CEP72: variants seen among roughly 807,000 people sequenced by gnomAD.
CEP72 encodes the protein centrosomal protein of 72 kDa.
In CEP72, 78 loss-of-function variants were observed where a neutral mutation model predicts 65.7. The ratio of observed to expected loss-of-function variants is 1.19; its 90% CI spans 0.99 to 1.43. The LOEUF is 1.43. Among genes scored for constraint, CEP72 ranks in the 40% most tolerant of loss-of-function variants. The pLI, the probability that CEP72 is intolerant of heterozygous loss-of-function variation, is 0.00. For missense variants in CEP72, 914 were observed against 832.9 expected (o/e 1.10, Z -1.20); for synonymous variants, 358 against 351.7 (o/e 1.02, Z -0.20).
chr5:668,468 G>C (rs1740043663), downstream of CEP72, among the ~76,000 whole-genome samples: 1 of 152,024 alleles, frequency 6.6e-6, no homozygotes, highest in African/African-American at 2.4e-5. Flanking sequence ...ACGGAGAGGG[G>C]GCCGCGTGGG....
intron 4 of CEP72, among the ~76,000 whole-genome samples, chr5:627,025 C>T (rs183796769): frequency 2.0e-4 from 30 of 152,292 alleles, no homozygotes; most frequent in Admixed American, 3.9e-4. Context: ...TCATGCTGAC[C>T]GCATAGAATG....
rs570608494 is a variant in CEP72, at chr5:637,925, C to T, written c.1206+107C>T. 6 of 1,095,280 alleles carry T rather than the reference C, an allele frequency of 5.5e-6. No homozygotes were observed. In the East Asian group the frequency reaches 1.1e-4, roughly 20 times the overall value. The allele number at this position is 1,095,280 out of a possible 1,614,324, so 67.8% of individuals were successfully genotyped here. A position where few individuals can be genotyped will look rare whatever the true frequency, so the allele number is the denominator to read the frequency against. On this transcript the variant is annotated intron_variant, in intron 7 of 11. Transcript: ENST00000264935. ...TTACGCCTGCGGCACTGACTGTGTC[C>T]CTCCCTGATGCAGGGCTGTTACGGC... is the stretch of plus-strand genomic sequence containing the variant.
At position 624,699 on chromosome 5, in the gene CEP72, G is replaced by C. The variant is rs1443712658; in HGVS notation, c.512+120G>C. ...CTCCAGGGGCGGACACCAGGAGGGA[G>C]GAAGGGCAGAGCCTGCCTGGCGGGG... is the stretch of plus-strand genomic sequence containing the variant. On this transcript the variant is annotated intron_variant, in intron 4 of 11. Transcript: ENST00000264935. This position sits in a 1 kb window ranked among gnomAD's most constrained non-coding sequence, Gnocchi z 4.7. The C allele has an allele frequency of 4.0e-6, 3 of 747,964 alleles. No homozygotes were observed. The African/African-American group carries it at 5.2e-5, about 13-fold the overall frequency. The allele number at this position is 747,964 out of a possible 1,614,324, so 46.3% of individuals were successfully genotyped here.
chr5:621,829 A>G (rs1367412102), intron 3 of CEP72, among the ~76,000 whole-genome samples: 1 of 152,258 alleles, frequency 6.6e-6, no homozygotes, highest in Non-Finnish European at 1.5e-5. Flanking sequence ...GCTGGAGTGC[A>G]GTGGCGTGAT....
At chr5:648,592 A>C (rs1738609802) in intron 11 of CEP72, among the ~76,000 whole-genome samples, 5 of 102,558 alleles carry the variant, frequency 4.9e-5, no homozygotes, top group African/African-American at 7.9e-5. Flanking sequence ...GTGAGGTGTG[A>C]CTGTGAGGCG....
chr5:641,334 C>T, intron 9 of CEP72: 1 of 985,440 alleles, frequency 1.0e-6, no homozygotes, highest in African/African-American at 1.7e-5. Context: ...TCCGGGAGTC[C>T]TGGTGTGAGG....
At chr5:651,455 G>A (rs959023384) in intron 11 of CEP72, among the ~76,000 whole-genome samples, 4 of 151,982 alleles carry the variant, frequency 2.6e-5, no homozygotes, top group Non-Finnish European at 5.9e-5. Context: ...AGAGGTGCAT[G>A]AGAGATGGTC....
chr5:639,912 T>C (rs1301526034), intron 8 of CEP72, among the ~76,000 whole-genome samples: 5 of 152,226 alleles, frequency 3.3e-5, no homozygotes, highest in Non-Finnish European at 7.3e-5. Flanking sequence ...CCTCAGCTCC[T>C]AGAATGAGGA....
chr5:624,489 CAAGCGAGCGG>C lies in CEP72; in HGVS notation c.426_435del (p.Ser142ArgfsTer23), dbSNP rs770444620. ...CTTCTAGACGATCGCCCCGTGAGAG[CAAGCGAGCGG>C]AAGGCTTCCCGACTGCATTTTGCAT... On this transcript the variant is annotated frameshift_variant, in exon 4 of 12. Coordinates refer to ENST00000264935, the MANE Select transcript of CEP72 (RefSeq NM_018140.4). LOFTEE classifies it high-confidence loss of function. This position sits in a 1 kb window ranked among gnomAD's most constrained non-coding sequence, Gnocchi z 4.7. The C allele has an allele frequency of 3.7e-6, 6 of 1,614,032 alleles. No individual in the cohort carries two copies. The Admixed American group carries it at 6.7e-5, about 18-fold the overall frequency.
chr5:633,936 G>C lies in CEP72; in HGVS notation c.680G>C (p.Arg227Pro), dbSNP rs756540415. Reference protein sequence around the residue: ...FSQKGREADSRGSQESRHLLS... With the variant: ...FSQKGREADSPGSQESRHLLS... Reference sequence around the variant, plus strand: ...CAGAAGGGGCGTGAGGCCGACTCTCGTGGTTCCCAAGGTGCGCTGCTCATC... The same window carrying C: ...CAGAAGGGGCGTGAGGCCGACTCTCCTGGTTCCCAAGGTGCGCTGCTCATC... Residue 227 changes from arginine (R) to proline (P), a missense_variant, in exon 5 of 12, where the codon CGT becomes CCT. By Grantham distance (103) the Arg-to-Pro change is moderately radical. Coordinates refer to ENST00000264935, the MANE Select transcript of CEP72 (RefSeq NM_018140.4). The C allele has an allele frequency of 1.2e-6, 2 of 1,611,788 alleles. No homozygotes were observed. Among genetic ancestry groups the C allele is most frequent in the East Asian group, 4.5e-5 (2 of 44,890 alleles).
At position 640,446 on chromosome 5, in the gene CEP72, A is replaced by G. The variant is rs764926055; in HGVS notation, c.1381A>G (p.Thr461Ala). 2.3e-5 allele frequency: 37 copies of G among 1,614,092 alleles called. 1 individual carries two copies. In the South Asian group the frequency reaches 4.0e-4, roughly 17 times the overall value. ...RHILSSVEEF[T>A]AAQDSSAMVG... ...CATCTTGTCATCTGTTGAAGAATTC[A>G]CAGCAGCTCAGGACAGCTCTGCGAT... The change falls in exon 9 of 12, where the codon ACA (threonine) becomes GCA (alanine). Residue 461 changes from threonine to alanine, a missense_variant. Transcript: ENST00000264935.
intron 9 of CEP72, chr5:641,933 C>T (rs1416699211): frequency 2.2e-6 from 2 of 912,286 alleles, no homozygotes; most frequent in East Asian, 1.6e-4. Flanking sequence ...CGTGGTCCCC[C>T]GTCCAGAAGC....
At chr5:634,455 T>C (rs957794123) in intron 5 of CEP72, among the ~76,000 whole-genome samples, 2 of 152,212 alleles carry the variant, frequency 1.3e-5, no homozygotes, top group African/African-American at 4.8e-5. Context: ...CTGAGAACTT[T>C]TCGTGGAAAC....
rs776980388 is a variant in CEP72, at chr5:653,177, C to T, written c.*24C>T. On this transcript the variant is annotated 3_prime_UTR_variant, in exon 12 of 12. Coordinates refer to ENST00000264935, the MANE Select transcript of CEP72 (RefSeq NM_018140.4). ...GACTCCTGCCGAGAAGCTGGGCCAC[C>T]CCTTAAGCTTCCTGGTAAAGTTACA... is the stretch of plus-strand genomic sequence containing the variant. The T allele has an allele frequency of 7.7e-6, 12 of 1,564,238 alleles. No homozygotes were observed. The highest frequency in any genetic ancestry group is 1.0e-5 in the Non-Finnish European group (12 of 1,158,968).
intron 10 of CEP72, 117 bp from the exon 11 acceptor site, chr5:647,688 G>C: frequency 1.4e-6 from 1 of 705,086 alleles, no homozygotes; most frequent in Non-Finnish European, 2.4e-6. Flanking sequence ...ATCTTTTCCA[G>C]CTATATTCTT....
the CEP72 span, among the ~76,000 whole-genome samples, chr5:673,951 G>A: frequency 1.3e-5 from 2 of 152,240 alleles, no homozygotes; most frequent in South Asian, 4.1e-4. Flanking sequence ...GCGTGTGTGT[G>A]CACATGCGGC....
chr5:621,682 A>G (rs1736401679), intron 3 of CEP72, among the ~76,000 whole-genome samples: 1 of 152,280 alleles, frequency 6.6e-6, no homozygotes, highest in African/African-American at 2.4e-5. Flanking sequence ...TCGTGGAGCC[A>G]TGCGGGGCCG....
At chr5:648,794 C>A (rs1401229951) in intron 11 of CEP72, among the ~76,000 whole-genome samples, 2 of 96,718 alleles carry the variant, frequency 2.1e-5, no homozygotes, top group South Asian at 3.9e-4. Context: ...TGAGGTGTGA[C>A]TGTGAGGCGT....
At chr5:629,143 C>T (rs1176338113) in intron 4 of CEP72, among the ~76,000 whole-genome samples, 2 of 152,210 alleles carry the variant, frequency 1.3e-5, no homozygotes, top group Non-Finnish European at 2.9e-5. Context: ...CTCTTAACTG[C>T]CTTTGTTGGA....
Sources: gnomAD v4.1 joint callset for allele counts (sites outside exome capture counted in the v4.1 genomes callset) on GRCh38, gnomAD v4.1.1 for gene constraint, Gnocchi (gnomAD v3.1) non-coding constraint, MANE v1.5 for transcripts, NCBI Gene and HGNC (gene_info 2026-07-23, HGNC 2026-07-21) for gene names.